Variants in TMEM232 observed in about 807,000 individuals in gnomAD.
TMEM232 encodes the protein transmembrane protein 232.
In TMEM232, 80 loss-of-function variants were observed where a neutral mutation model predicts 78.8. That is an observed-to-expected ratio of 1.01 (90% CI 0.85 to 1.22). The LOEUF (loss-of-function observed/expected upper bound fraction) is 1.22, where lower values mean the gene tolerates loss of function less well. Among genes scored for constraint, TMEM232 ranks in the 50% most tolerant of loss-of-function variants. The pLI, the probability that TMEM232 is intolerant of heterozygous loss-of-function variation, is 0.00. For missense variants in TMEM232, 881 were observed against 742.2 expected (o/e 1.19, Z -2.17); for synonymous variants, 297 against 254.3 (o/e 1.17, Z -1.60).
rs1780439423 is a variant in TMEM232, at chr5:110,598,273, C to G, written c.1276+6836G>C. Among the ~76,000 whole-genome samples the G allele has an allele frequency of 2.6e-5, 4 of 152,152 alleles. No homozygotes were observed. In the South Asian group the frequency reaches 8.3e-4, roughly 32 times the overall value. On this transcript the variant is annotated intron_variant, in intron 10 of 13. Transcript: ENST00000455884. Reference sequence around the variant, plus strand: ...CACATGAAAAAAATGCTCATCATCACTGGCCATCAGAGAAATGCAAATCAA... The same window carrying G: ...CACATGAAAAAAATGCTCATCATCAGTGGCCATCAGAGAAATGCAAATCAA...
intron 12 of TMEM232, among the ~76,000 whole-genome samples, chr5:110,425,644 C>G (rs940431696): frequency 1.3e-5 from 2 of 152,052 alleles, no homozygotes; most frequent in African/African-American, 4.8e-5. Flanking sequence ...ACAGTCCCCT[C>G]ATTTCATCAG....
At chr5:110,614,455 A>G (rs567862534) in intron 8 of TMEM232, among the ~76,000 whole-genome samples, 58 of 152,242 alleles carry the variant, frequency 3.8e-4, no homozygotes, top group African/African-American at 1.3e-3. Context: ...CTAAGTATTT[A>G]AAAAAACTGG....
At chr5:110,718,442 G>A (rs1797244793) in intron 1 of TMEM232, among the ~76,000 whole-genome samples, 1 of 152,080 alleles carries the variant, frequency 6.6e-6, no homozygotes. Flanking sequence ...TGATGAGTGA[G>A]AAGCATTTCT....
At chr5:110,676,438 C>G (rs1792034318) in intron 1 of TMEM232, among the ~76,000 whole-genome samples, 1 of 151,676 alleles carries the variant, frequency 6.6e-6, no homozygotes, top group Non-Finnish European at 1.5e-5. Flanking sequence ...CTCTGTCACC[C>G]AGGCTGGAGT....
chr5:110,708,001 C>T (rs1476775759), intron 1 of TMEM232, among the ~76,000 whole-genome samples: 1 of 152,122 alleles, frequency 6.6e-6, no homozygotes, highest in Non-Finnish European at 1.5e-5. Context: ...TTCTAAATAA[C>T]CAACAGAAAT....
chr5:110,654,833 G>C (rs935544484), intron 2 of TMEM232, among the ~76,000 whole-genome samples: 1 of 152,060 alleles, frequency 6.6e-6, no homozygotes, highest in Non-Finnish European at 1.5e-5. Context: ...TTGAGCAGCG[G>C]TTTGTAGTTC....
chr5:110,448,914 C>G (rs1229892662), intron 12 of TMEM232, among the ~76,000 whole-genome samples: 2 of 151,464 alleles, frequency 1.3e-5, no homozygotes, highest in African/African-American at 2.4e-5. Context: ...AGACATAATA[C>G]AAAACAAAAA....
chr5:110,419,420 T>C (rs2112599412), downstream of TMEM232, among the ~76,000 whole-genome samples: 1 of 152,274 alleles, frequency 6.6e-6, no homozygotes, highest in East Asian at 1.9e-4. Flanking sequence ...ATTCACATAA[T>C]ATAGGTCACA....
chr5:110,607,994 A>G (rs1781723243), intron 8 of TMEM232, among the ~76,000 whole-genome samples: 1 of 152,036 alleles, frequency 6.6e-6, no homozygotes, highest in South Asian at 2.1e-4. Context: ...GTCATGTGCA[A>G]TAAAGAAAGC....
At chr5:110,397,844 G>A (rs1755449290) in exon 3 of TMEM232, 1 of 152,576 alleles carries the variant, frequency 6.6e-6, no homozygotes, top group African/African-American at 2.4e-5. Flanking sequence ...TGCACAGCAT[G>A]TTGCTTCTGT....
At chr5:110,577,383 G>A (rs755548635) in intron 10 of TMEM232, among the ~76,000 whole-genome samples, 2 of 152,220 alleles carry the variant, frequency 1.3e-5, no homozygotes, top group African/African-American at 2.4e-5. Flanking sequence ...ACAGGTGCTG[G>A]TGAAGTTGTG....
At chr5:110,406,603 A>G (rs1387543899) in intron 2 of TMEM232, among the ~76,000 whole-genome samples, 1 of 151,972 alleles carries the variant, frequency 6.6e-6, no homozygotes, top group East Asian at 1.9e-4. Flanking sequence ...GCACCACCAG[A>G]CTCATCTTGC....
At chr5:110,711,252 T>C (rs1029049142) in intron 1 of TMEM232, among the ~76,000 whole-genome samples, 2 of 151,986 alleles carry the variant, frequency 1.3e-5, no homozygotes, top group Admixed American at 6.6e-5. Flanking sequence ...GTGAAAGAAA[T>C]TGAAGAAGAG....
In TMEM232 at chr5:110,625,301, T is replaced by C. The variant is rs1784278185; in HGVS notation, c.734A>G (p.Asp245Gly). ...RSESIFRPVE[D>G]KKRYENTDSD... ...ATCTGTGTTCTCATATCTTTTCTTA[T>C]CTTCCACAGGTCTAAAAATGGATTC... Residue 245 changes from aspartate (D) to glycine (G), a missense_variant, in exon 7 of 14, where the codon GAT becomes GGT. Coordinates refer to ENST00000455884, the MANE Select transcript of TMEM232 (RefSeq NM_001039763.4). The C allele has an allele frequency of 6.5e-7, 1 of 1,543,406 alleles. No homozygotes were observed. The highest frequency in any genetic ancestry group is 1.4e-5 in the African/African-American group (1 of 72,530).
chr5:110,462,848 G>A (rs1761685107), intron 12 of TMEM232, among the ~76,000 whole-genome samples: 1 of 152,124 alleles, frequency 6.6e-6, no homozygotes. Flanking sequence ...AATTAGAAGT[G>A]GAGTCTAAAG....
At chr5:110,491,875 T>C (rs768466195) in intron 12 of TMEM232, among the ~76,000 whole-genome samples, 75 of 151,782 alleles carry the variant, frequency 4.9e-4, no homozygotes, top group Non-Finnish European at 8.7e-4. Flanking sequence ...AAAAAAGTAA[T>C]AGAGATTAAA....
At chr5:110,703,744 G>A (rs1026372290) in intron 1 of TMEM232, among the ~76,000 whole-genome samples, 2 of 152,010 alleles carry the variant, frequency 1.3e-5, no homozygotes, top group African/African-American at 4.8e-5. Flanking sequence ...TCATTTTTGT[G>A]GGACAGATAG....
intron 11 of TMEM232, among the ~76,000 whole-genome samples, chr5:110,534,307 T>A (rs1771998430): frequency 6.6e-6 from 1 of 152,138 alleles, no homozygotes; most frequent in African/African-American, 2.4e-5. Context: ...AACCTTTATA[T>A]CCCTTACAGT....
In TMEM232 at chr5:110,683,931, G is replaced by A. The variant is rs367751675; in HGVS notation, c.-12-16567C>T. Among the ~76,000 whole-genome samples, 4 of 151,948 alleles carry A rather than the reference G, an allele frequency of 2.6e-5. No individual in the cohort carries two copies. The East Asian group carries it at 5.8e-4, about 22-fold the overall frequency. On this transcript the variant is annotated intron_variant, in intron 1 of 13. Transcript: ENST00000455884. Reference sequence around the variant, plus strand: ...TATTTTTACAGACCATAACATTGGTGTATTGATGTACTTAAAGCAAAATAG... The same window carrying A: ...TATTTTTACAGACCATAACATTGGTATATTGATGTACTTAAAGCAAAATAG...
Sources: allele counts gnomAD v4.1 joint callset (sites outside exome capture counted in the v4.1 genomes callset), GRCh38; gene constraint gnomAD v4.1.1; transcripts MANE v1.5; gene names NCBI Gene and HGNC (gene_info 2026-07-23, HGNC 2026-07-21).